Variants in NTM observed in about 807,000 individuals in gnomAD.
The protein encoded by NTM is neurotrimin.
A neutral mutation model predicts 42.1 loss-of-function variants in NTM; 13 were observed. That is an observed-to-expected ratio of 0.31 (90% CI 0.20 to 0.49). NTM has a LOEUF of 0.49. Ranked by LOEUF, NTM falls within the 20% of genes least tolerant of loss-of-function variation. NTM has a pLI of 0.99. For synonymous variants in NTM, 187 were observed against 179.2 expected (o/e 1.04, Z -0.35); for missense variants, 373 against 452.8 (o/e 0.82, Z 1.60).
At chr11:131,480,218 AAG>A (rs769555458) in intron 1 of NTM, among the ~76,000 whole-genome samples, 2 of 151,542 alleles carry the variant, frequency 1.3e-5, no homozygotes, top group Non-Finnish European at 2.9e-5. Flanking sequence ...GAGTAGTAGC[AAG>A]AGAGAGGGTG....
intron 1 of NTM, among the ~76,000 whole-genome samples, chr11:131,405,025 T>A (rs1243640705): frequency 1.3e-5 from 2 of 152,148 alleles, no homozygotes; most frequent in Non-Finnish European, 2.9e-5. Flanking sequence ...TTAAGGGCTT[T>A]ATGGGACCAA....
In NTM at chr11:131,501,349, G is replaced by T. The variant is rs113885306; in HGVS notation, c.82+130461G>T. 4.5e-4 allele frequency among the ~76,000 whole-genome samples: 69 copies of T among 152,282 alleles called. 1 individual carries two copies. Among genetic ancestry groups the T allele is most frequent in the African/African-American group, 1.6e-3 (68 of 41,562 alleles). The stretch of plus-strand genomic sequence containing the variant: ...CCAATGAAGGCCCCTCTGAGGAGGT[G>T]AGTTTGGGGCAGATGAAAAGGAGCT... On this transcript the variant is annotated intron_variant, in intron 1 of 8. Transcript: ENST00000683400.
chr11:132,032,225 T>C (rs1176733604), intron 2 of NTM, among the ~76,000 whole-genome samples: 1 of 152,122 alleles, frequency 6.6e-6, no homozygotes, highest in Non-Finnish European at 1.5e-5. Flanking sequence ...GCAACTCTGC[T>C]CTCCTGGTCT....
intron 4 of NTM, among the ~76,000 whole-genome samples, chr11:132,268,831 C>G (rs1347763371): frequency 2.0e-5 from 3 of 151,984 alleles, no homozygotes; most frequent in Non-Finnish European, 2.9e-5. Context: ...TGTCTACGCT[C>G]TCTCTAGCAG....
intron 1 of NTM, among the ~76,000 whole-genome samples, chr11:131,632,321 C>T (rs1374855313): frequency 2.6e-5 from 4 of 152,110 alleles, no homozygotes; most frequent in Non-Finnish European, 5.9e-5. Context: ...GTCCCTTGTG[C>T]CCGTCTTTTA....
At chr11:132,124,611 G>A (rs2065371114) in intron 2 of NTM, among the ~76,000 whole-genome samples, 1 of 151,732 alleles carries the variant, frequency 6.6e-6, no homozygotes, top group Admixed American at 6.6e-5. Context: ...TTTTGTGTAC[G>A]TGTGTGTGTG....
At chr11:132,318,577 A>AGAGT (rs2095488712) in intron 7 of NTM, among the ~76,000 whole-genome samples, 1 of 152,178 alleles carries the variant, frequency 6.6e-6, no homozygotes, top group Non-Finnish European at 1.5e-5. Flanking sequence ...TCACTAGCCT[A>AGAGT]GAGTGAGTGA....
At chr11:132,041,231 TAGAGAG>T (rs10598969) in intron 2 of NTM, among the ~76,000 whole-genome samples, 8,922 of 145,524 alleles carry the variant, frequency 0.061, 324 homozygotes, top group Non-Finnish European at 0.084. Context: ...GAGAGATAGA[TAGAGAG>T]AGAGAGAGAG....
intron 1 of NTM, among the ~76,000 whole-genome samples, chr11:131,684,131 C>A (rs1474375436): frequency 6.6e-6 from 1 of 152,166 alleles, no homozygotes; most frequent in Admixed American, 6.5e-5. Context: ...GGAGAACCCC[C>A]TCTGGATTTT....
At chr11:131,933,665 A>G (rs1208109462) in intron 2 of NTM, among the ~76,000 whole-genome samples, 1 of 151,980 alleles carries the variant, frequency 6.6e-6, no homozygotes, top group African/African-American at 2.4e-5. Flanking sequence ...CTTCCTGGAA[A>G]GACTCTATCT....
intron 1 of NTM, among the ~76,000 whole-genome samples, chr11:131,417,823 A>T (rs1285254711): frequency 2.0e-5 from 3 of 152,208 alleles, no homozygotes; most frequent in Non-Finnish European, 4.4e-5. Context: ...CTTTCCCTTG[A>T]TCCACAACAT....
At chr11:131,477,135 A>G (rs1953030348) in intron 1 of NTM, among the ~76,000 whole-genome samples, 1 of 152,224 alleles carries the variant, frequency 6.6e-6, no homozygotes, top group African/African-American at 2.4e-5. Flanking sequence ...AGGCGAATGC[A>G]GAACCCCAGA....
chr11:131,735,464 C>T (rs1322888123), intron 1 of NTM, among the ~76,000 whole-genome samples: 2 of 152,156 alleles, frequency 1.3e-5, no homozygotes, highest in Non-Finnish European at 1.5e-5. Flanking sequence ...TAGTTAAAGT[C>T]ATTGTGATGA....
At chr11:131,691,184 C>A (rs2135020763) in intron 1 of NTM, among the ~76,000 whole-genome samples, 1 of 152,322 alleles carries the variant, frequency 6.6e-6, no homozygotes, top group African/African-American at 2.4e-5. Context: ...CCCGGCCCTG[C>A]ACCCACAGCC....
rs573421203 is a variant in NTM, at chr11:131,812,720, T to A, written c.83-98844T>A. ...GGGTGACATCTCAGGGGAATTCATA[T>A]CTGAACCAAGACTGAAGGGGACTTG... On this transcript the variant is annotated intron_variant, in intron 1 of 8. Coordinates refer to ENST00000683400, the MANE Select transcript of NTM (RefSeq NM_001352005.2). Among the ~76,000 whole-genome samples, 26 of 152,146 alleles carry A rather than the reference T, an allele frequency of 1.7e-4. No homozygotes were observed. In the East Asian group the frequency reaches 5.0e-3, roughly 30 times the overall value.
At chr11:132,312,005 C>A (rs2095295269) in intron 6 of NTM, among the ~76,000 whole-genome samples, 1 of 152,116 alleles carries the variant, frequency 6.6e-6, no homozygotes, top group South Asian at 2.1e-4. Flanking sequence ...GATGGCCTCT[C>A]CTTTTCTCCC....
At chr11:131,459,528 T>C (rs1028726362) in intron 1 of NTM, among the ~76,000 whole-genome samples, 1 of 152,322 alleles carries the variant, frequency 6.6e-6, no homozygotes, top group African/African-American at 2.4e-5. Flanking sequence ...AATAGGATGA[T>C]TATGAGTGCT....
intron 1 of NTM, among the ~76,000 whole-genome samples, chr11:131,800,653 T>A (rs1414971121): frequency 6.6e-6 from 1 of 152,218 alleles, no homozygotes; most frequent in Non-Finnish European, 1.5e-5. Context: ...TTGACTCCCC[T>A]GCTGCTTGGA....
chr11:131,821,375 T>C (rs1473655597), intron 1 of NTM, among the ~76,000 whole-genome samples: 2 of 152,230 alleles, frequency 1.3e-5, no homozygotes, highest in African/African-American at 4.8e-5. Flanking sequence ...TGAAAAGTAC[T>C]GTGTGATCAG....
Sources: gnomAD v4.1 joint callset for allele counts (sites outside exome capture counted in the v4.1 genomes callset) on GRCh38, gnomAD v4.1.1 for gene constraint, MANE v1.5 for transcripts, NCBI Gene and HGNC (gene_info 2026-07-23, HGNC 2026-07-21) for gene names.